The following TRABD2B variants were observed in gnomAD, a reference collection of about 807,000 sequenced individuals.
TRABD2B encodes the protein TraB domain containing 2B, also known as metalloprotease TIKI2.
In TRABD2B, 14 loss-of-function variants were observed where a neutral mutation model predicts 40.1. The ratio of observed to expected loss-of-function variants is 0.35; its 90% CI spans 0.23 to 0.55. TRABD2B has a LOEUF of 0.55. Ranked by LOEUF, TRABD2B falls within the 20% of genes least tolerant of loss-of-function variation. The pLI is 0.90. For synonymous variants in TRABD2B, 263 were observed against 277.0 expected (o/e 0.95, Z 0.50); for missense variants, 541 against 648.6 (o/e 0.83, Z 1.80).
chr1:47,804,124 C>T lies in TRABD2B; in HGVS notation c.667-2505G>A, dbSNP rs1163145204. 7.2e-5 allele frequency among the ~76,000 whole-genome samples: 11 copies of T among 152,230 alleles called. No homozygotes were observed. The South Asian group carries it at 2.3e-3, about 32-fold the overall frequency. ...GAGCGCTAGATTGCACTGGATGCAG[C>T]CCAGGCTGCTCCACCTAATGAGCTG... On this transcript the variant is annotated intron_variant, in intron 2 of 6. Coordinates refer to ENST00000606738, the MANE Select transcript of TRABD2B (RefSeq NM_001194986.2).
At chr1:47,790,252 TC>T (rs1364452925) in intron 4 of TRABD2B, among the ~76,000 whole-genome samples, 1 of 152,222 alleles carries the variant, frequency 6.6e-6, no homozygotes, top group East Asian at 1.9e-4. Context: ...CTCTTGAGGC[TC>T]AGCCTGTCCA....
intron 2 of TRABD2B, among the ~76,000 whole-genome samples, chr1:47,957,474 T>G (rs1338999372): frequency 2.6e-5 from 4 of 152,240 alleles, no homozygotes; most frequent in Non-Finnish European, 4.4e-5. Flanking sequence ...GAAAAAAGAT[T>G]AAACGAATGG....
At chr1:47,843,994 G>A (rs1645434070) in intron 2 of TRABD2B, among the ~76,000 whole-genome samples, 1 of 152,198 alleles carries the variant, frequency 6.6e-6, no homozygotes, top group African/African-American at 2.4e-5. Context: ...AGCCCCAATA[G>A]AAGCTGACTT....
At chr1:47,781,811 A>G (rs903663245) in intron 4 of TRABD2B, among the ~76,000 whole-genome samples, 2 of 152,080 alleles carry the variant, frequency 1.3e-5, no homozygotes, top group African/African-American at 4.8e-5. Context: ...TCCCGAGCCC[A>G]TGTTTCTACC....
At chr1:47,896,127 C>T (rs1396589772) in intron 2 of TRABD2B, among the ~76,000 whole-genome samples, 1 of 152,228 alleles carries the variant, frequency 6.6e-6, no homozygotes, top group Non-Finnish European at 1.5e-5. Context: ...TCCAAACAAG[C>T]TATCTTTATG....
At chr1:47,788,596 C>T (rs1180828220) in intron 4 of TRABD2B, among the ~76,000 whole-genome samples, 1 of 152,170 alleles carries the variant, frequency 6.6e-6, no homozygotes, top group Non-Finnish European at 1.5e-5. Context: ...GCTCTTAGCT[C>T]CATACTCCTC....
At chr1:47,804,380 T>C (rs1388188017) in intron 2 of TRABD2B, among the ~76,000 whole-genome samples, 1 of 152,216 alleles carries the variant, frequency 6.6e-6, no homozygotes, top group Non-Finnish European at 1.5e-5. Context: ...ATGCCTCGGA[T>C]GAAAGTGTCC....
At chr1:47,850,169 A>G (rs983520014) in intron 2 of TRABD2B, among the ~76,000 whole-genome samples, 1 of 152,220 alleles carries the variant, frequency 6.6e-6, no homozygotes, top group African/African-American at 2.4e-5. Flanking sequence ...CCCTAGTCAC[A>G]AGTCCTAGAG....
At chr1:47,960,689 C>T (rs2148403865) in intron 2 of TRABD2B, among the ~76,000 whole-genome samples, 1 of 152,196 alleles carries the variant, frequency 6.6e-6, no homozygotes, top group African/African-American at 2.4e-5. Context: ...GAACTACAAA[C>T]CACTGCTCAA....
intron 2 of TRABD2B, among the ~76,000 whole-genome samples, chr1:47,949,113 T>TTATTAGTA (rs1645302550): frequency 6.6e-6 from 1 of 152,186 alleles, no homozygotes; most frequent in South Asian, 2.1e-4. Flanking sequence ...AATAGTAAAA[T>TTATTAGTA]TGCTAATACA....
At chr1:47,973,054 C>G (rs529094122) in intron 2 of TRABD2B, among the ~76,000 whole-genome samples, 1 of 152,158 alleles carries the variant, frequency 6.6e-6, no homozygotes, top group Non-Finnish European at 1.5e-5. Context: ...GACAGCATTA[C>G]GCAATAGCTG....
chr1:47,891,254 C>T (rs1644441042), intron 2 of TRABD2B, among the ~76,000 whole-genome samples: 1 of 152,160 alleles, frequency 6.6e-6, no homozygotes, highest in Non-Finnish European at 1.5e-5. Flanking sequence ...TTCCAGCTGT[C>T]ATAGAGCTTA....
intron 2 of TRABD2B, among the ~76,000 whole-genome samples, chr1:47,959,891 G>A (rs1428003986): frequency 6.6e-6 from 1 of 152,098 alleles, no homozygotes; most frequent in African/African-American, 2.4e-5. Context: ...ACCAAAGCCT[G>A]GCAGAGACAC....
At chr1:47,820,474 C>A (rs1190425159) in intron 2 of TRABD2B, among the ~76,000 whole-genome samples, 1 of 152,190 alleles carries the variant, frequency 6.6e-6, no homozygotes, top group African/African-American at 2.4e-5. Context: ...GTGGGATATG[C>A]CTGGGCCTGG....
chr1:47,825,487 C>T (rs1312785172), intron 2 of TRABD2B, among the ~76,000 whole-genome samples: 1 of 152,218 alleles, frequency 6.6e-6, no homozygotes, highest in Non-Finnish European at 1.5e-5. Context: ...TAAGCTATGC[C>T]CTCCACCTAG....
chr1:47,779,856 C>A (rs2124098808), intron 4 of TRABD2B, among the ~76,000 whole-genome samples: 1 of 152,322 alleles, frequency 6.6e-6, no homozygotes, highest in East Asian at 1.9e-4. Flanking sequence ...GCCAGAAGGT[C>A]AGCATGCTGA....
At chr1:47,902,867 T>C (rs1424401814) in intron 2 of TRABD2B, among the ~76,000 whole-genome samples, 1 of 152,208 alleles carries the variant, frequency 6.6e-6, no homozygotes, top group Non-Finnish European at 1.5e-5. Context: ...ATAATTTTAA[T>C]GTTGTTTAAT....
chr1:47,982,822 G>T (rs943790816), intron 2 of TRABD2B, among the ~76,000 whole-genome samples: 5 of 151,962 alleles, frequency 3.3e-5, no homozygotes, highest in African/African-American at 1.2e-4. Context: ...CATCTCCAGG[G>T]GCCCAAATCC....
chr1:47,988,616 A>C (rs538434790), intron 2 of TRABD2B, among the ~76,000 whole-genome samples: 5 of 152,306 alleles, frequency 3.3e-5, no homozygotes, highest in African/African-American at 4.8e-5. Context: ...AATAGGTATC[A>C]GCAGCAACTG....
Sources: gnomAD v4.1 joint callset for allele counts (sites outside exome capture counted in the v4.1 genomes callset) on GRCh38, gnomAD v4.1.1 for gene constraint, MANE v1.5 for transcripts, NCBI Gene and HGNC (gene_info 2026-07-23, HGNC 2026-07-21) for gene names.